Variants in RARRES1 observed in about 807,000 individuals in gnomAD.
RARRES1 encodes the protein retinoic acid receptor responder 1, also known as retinoic acid receptor responder protein 1.
A neutral mutation model predicts 30.6 loss-of-function variants in RARRES1; 34 were observed. That is an observed-to-expected ratio of 1.11 (90% CI 0.84 to 1.48). The LOEUF (loss-of-function observed/expected upper bound fraction) is 1.48, where lower values mean the gene tolerates loss of function less well. RARRES1 is among the 40% of genes most tolerant of loss of function. The pLI, the probability that RARRES1 is intolerant of heterozygous loss-of-function variation, is 0.00. For synonymous variants in RARRES1, 153 were observed against 155.5 expected, an observed-to-expected ratio of 0.98 and a Z score of 0.12; for missense variants, 373 against 386.5, an observed-to-expected ratio of 0.97 and a Z score of 0.29.
At chr3:158,707,083 C>T (rs549062901) in intron 3 of RARRES1, among the ~76,000 whole-genome samples, 15 of 152,256 alleles carry the variant, frequency 9.9e-5, no homozygotes, top group African/African-American at 2.6e-4. Context: ...GCAGGAGAAT[C>T]GCTTGAACCC....
chr3:158,711,647 G>A (rs1001302579), intron 2 of RARRES1, among the ~76,000 whole-genome samples: 4 of 147,206 alleles, frequency 2.7e-5, no homozygotes, highest in Non-Finnish European at 5.9e-5. Context: ...CTGGGTGGGA[G>A]TGCAATGGCA....
In RARRES1 at chr3:158,723,444, T is replaced by TATTATACCCTG. The variant is rs1727577327; in HGVS notation, c.276+8685_276+8695dup. The stretch of plus-strand genomic sequence containing the variant: ...AGATGGAGACAGCATCAGTATATTA[T>TATTATACCCTG]ATTATACCCTGGAATCATTTTATTG... On this transcript the variant is annotated intron_variant, in intron 1 of 5. Coordinates refer to ENST00000237696, the MANE Select transcript of RARRES1 (RefSeq NM_206963.2). The surrounding 1 kb of genome is among the most constrained non-coding windows in gnomAD (Gnocchi z 4.4). Among the ~76,000 whole-genome samples the TATTATACCCTG allele has an allele frequency of 1.3e-5, 2 of 152,350 alleles. No homozygotes were observed. Among genetic ancestry groups the TATTATACCCTG allele is most frequent in the South Asian group, 4.1e-4 (2 of 4,830 alleles).
intron 4 of RARRES1, among the ~76,000 whole-genome samples, chr3:158,703,063 G>A (rs919439319): frequency 1.2e-4 from 19 of 152,264 alleles, no homozygotes; most frequent in African/African-American, 3.9e-4. Context: ...TTAAATTGGT[G>A]CTTATGATTA....
rs770966860 is a variant in RARRES1 at position 158,732,290 on chromosome 3, G to A, written c.126C>T (p.Asp42=). The change falls in exon 1 of 6, where the codon GAC becomes GAT. Residue 42 remains aspartate (D), a synonymous_variant. Transcript: ENST00000237696. The part of the protein sequence containing the change: ...APVAAPAGSG[D]PDDPGQPQDA... Reference sequence around the variant, plus strand: ...CCTGAGGCTGCCCAGGGTCGTCGGGGTCCCCGGACCCCGCGGGCGCCGCCA... The same window carrying A: ...CCTGAGGCTGCCCAGGGTCGTCGGGATCCCCGGACCCCGCGGGCGCCGCCA... 2.5e-5 allele frequency: 34 copies of A among 1,347,780 alleles called. No individual in the cohort carries two copies. The highest frequency in any genetic ancestry group is 2.1e-4 in the South Asian group (11 of 52,110). 83.5% of individuals were successfully genotyped at this position (1,347,780 alleles called of 1,614,324 possible).
chr3:158,728,386 C>T lies in RARRES1; in HGVS notation c.276+3754G>A, dbSNP rs1179109793. ...TCTCTTCCTTACCTGGCTACCTGCT[C>T]GCCCCTCAGGGTCAGTTCTGGATGG... On this transcript the variant is annotated intron_variant, in intron 1 of 5. Transcript: ENST00000237696. 3.3e-5 allele frequency among the ~76,000 whole-genome samples: 5 copies of T among 152,276 alleles called. No homozygotes were observed. The East Asian group carries it at 5.8e-4, about 18-fold the overall frequency.
intron 1 of RARRES1, 138 bp downstream of exon 1, chr3:158,732,002 C>T: frequency 1.1e-6 from 1 of 908,360 alleles, no homozygotes; most frequent in Non-Finnish European, 1.5e-6. Context: ...CAGCTGGGAT[C>T]TCCCCGGGCG....
intron 1 of RARRES1, among the ~76,000 whole-genome samples, chr3:158,714,876 A>G (rs1727272965): frequency 6.6e-6 from 1 of 152,248 alleles, no homozygotes; most frequent in African/African-American, 2.4e-5. Flanking sequence ...GCAATTCAAT[A>G]AACAAACAGC....
chr3:158,705,247 C>T (rs1726879444), intron 3 of RARRES1, among the ~76,000 whole-genome samples: 1 of 152,140 alleles, frequency 6.6e-6, no homozygotes, highest in African/African-American at 2.4e-5. Context: ...CTTGTCTTCT[C>T]CGAACCCACT....
At chr3:158,717,507 G>A (rs1394630673) in intron 1 of RARRES1, among the ~76,000 whole-genome samples, 1 of 152,248 alleles carries the variant, frequency 6.6e-6, no homozygotes, top group Non-Finnish European at 1.5e-5. Context: ...CTGAGGAGCA[G>A]CCATGGGGCC....
chr3:158,710,955 T>C (rs1215242829), intron 2 of RARRES1, 22 bp from the exon 3 acceptor site: 1 of 1,597,090 alleles, frequency 6.3e-7, no homozygotes. Flanking sequence ...AACAGGATAC[T>C]TTATCACCTC....
chr3:158,706,762 T>C (rs960534556), intron 3 of RARRES1, among the ~76,000 whole-genome samples: 1 of 152,210 alleles, frequency 6.6e-6, no homozygotes, highest in Non-Finnish European at 1.5e-5. Context: ...AGAATAGTAA[T>C]ACCATTAAAT....
At chr3:158,708,202 T>C (rs17642769) in intron 3 of RARRES1, among the ~76,000 whole-genome samples, 28,653 of 152,174 alleles carry the variant, frequency 0.19, 2,830 homozygotes, top group Non-Finnish European at 0.23. Flanking sequence ...ATTTTGCTTT[T>C]AAGAGGTTTC....
rs111706427 is a variant in RARRES1 at position 158,704,745 on chromosome 3, T to C, written c.672+46A>G. The C allele has an allele frequency of 1.2e-4, 194 of 1,596,792 alleles. 1 individual carries two copies. In the Middle Eastern group the frequency reaches 2.1e-3, roughly 17 times the overall value. Reference sequence around the variant, plus strand: ...TGAATTCAGTCTAAGGAGACCACTTTGATTGTAACTCTTGTGGCACAAGTT... The same window carrying C: ...TGAATTCAGTCTAAGGAGACCACTTCGATTGTAACTCTTGTGGCACAAGTT... On this transcript the variant is annotated intron_variant, in intron 4 of 5. Coordinates refer to ENST00000237696, the MANE Select transcript of RARRES1 (RefSeq NM_206963.2).
At chr3:158,725,371 G>A (rs1576823572) in intron 1 of RARRES1, among the ~76,000 whole-genome samples, 1 of 152,326 alleles carries the variant, frequency 6.6e-6, no homozygotes, top group African/African-American at 2.4e-5. Context: ...GGATTTGGGC[G>A]AGTGTGTGTG....
intron 1 of RARRES1, among the ~76,000 whole-genome samples, chr3:158,727,586 G>A (rs1727733088): frequency 6.6e-6 from 1 of 152,286 alleles, no homozygotes; most frequent in Middle Eastern, 3.4e-3. Flanking sequence ...TTCAAGTAAG[G>A]GACAGCCTTG....
intron 1 of RARRES1, among the ~76,000 whole-genome samples, chr3:158,717,909 A>T (rs1249096139): frequency 1.3e-5 from 2 of 152,158 alleles, no homozygotes; most frequent in African/African-American, 2.4e-5. Context: ...CCCAAGTCCT[A>T]TCAGAAAGTA....
At chr3:158,701,579 A>G (rs529453261) in intron 4 of RARRES1, among the ~76,000 whole-genome samples, 1 of 152,296 alleles carries the variant, frequency 6.6e-6, no homozygotes, top group East Asian at 1.9e-4. Flanking sequence ...TCCGTGCCAT[A>G]CTGGCTTTCT....
At chr3:158,728,275 A>G (rs1353015755) in intron 1 of RARRES1, among the ~76,000 whole-genome samples, 9 of 151,562 alleles carry the variant, frequency 5.9e-5, no homozygotes, top group African/African-American at 1.9e-4. Context: ...CCTTAGTTTG[A>G]AAAACCCTGA....
At chr3:158,719,763 C>T (rs1346214386) in intron 1 of RARRES1, among the ~76,000 whole-genome samples, 1 of 152,056 alleles carries the variant, frequency 6.6e-6, no homozygotes, top group Non-Finnish European at 1.5e-5. Flanking sequence ...GGAAACAGGC[C>T]ACTTTCAAAG....
Sources: gnomAD v4.1 joint callset for allele counts (sites outside exome capture counted in the v4.1 genomes callset) on GRCh38, gnomAD v4.1.1 for gene constraint, Gnocchi (gnomAD v3.1) non-coding constraint, MANE v1.5 for transcripts, NCBI Gene and HGNC (gene_info 2026-07-23, HGNC 2026-07-21) for gene names.